Variants in EPC2 observed in about 807,000 individuals in gnomAD.
EPC2 encodes the protein enhancer of polycomb 2.
Under a neutral mutation model 92.1 loss-of-function variants are expected in EPC2, and 14 were observed. The observed-to-expected ratio is 0.15, with a 90% CI of 0.10 to 0.24. The LOEUF (loss-of-function observed/expected upper bound fraction) is 0.24, where lower values mean the gene tolerates loss of function less well. EPC2 is among the 10% of genes least tolerant of loss of function. The pLI is 1.00. For synonymous variants in EPC2, 340 were observed against 334.7 expected, an observed-to-expected ratio of 1.02 and a Z score of -0.17; for missense variants, 755 against 971.5, an observed-to-expected ratio of 0.78 and a Z score of 2.96.
intron 2 of EPC2, among the ~76,000 whole-genome samples, chr2:148,697,518 C>T (rs1681776502): frequency 1.3e-5 from 2 of 152,086 alleles, no homozygotes; most frequent in Non-Finnish European, 2.9e-5. Context: ...AATACAAGCA[C>T]ACACTTCATA....
chr2:148,654,709 A>G (rs1483060840), intron 1 of EPC2, among the ~76,000 whole-genome samples: 1 of 152,188 alleles, frequency 6.6e-6, no homozygotes, highest in Non-Finnish European at 1.5e-5. Flanking sequence ...AAACATTACA[A>G]GTTAATATGT....
In EPC2 at chr2:148,674,257, C is replaced by A. The variant is rs547057566; in HGVS notation, c.154-15957C>A. 2.4e-4 allele frequency among the ~76,000 whole-genome samples: 37 copies of A among 152,314 alleles called. 1 individual carries two copies. The South Asian group carries it at 7.5e-3, about 31-fold the overall frequency. ...TTTGTACTCTCTTGCTCCCTCTTGTCTCTGTGTGTGGTACTGCAGATTCTC... is the reference window on the plus strand; with the variant it reads ...TTTGTACTCTCTTGCTCCCTCTTGTATCTGTGTGTGGTACTGCAGATTCTC... On this transcript the variant is annotated intron_variant, in intron 1 of 13. Coordinates refer to ENST00000258484, the MANE Select transcript of EPC2 (RefSeq NM_015630.4).
At chr2:148,761,959 A>G in intron 5 of EPC2, 29 bp downstream of exon 5, 1 of 1,535,676 alleles carries the variant, frequency 6.5e-7, no homozygotes. Context: ...CAACAGTAAA[A>G]TGACAACTTT....
At chr2:148,737,887 G>A (rs1024325086) in intron 2 of EPC2, among the ~76,000 whole-genome samples, 16 of 152,224 alleles carry the variant, frequency 1.1e-4, no homozygotes, top group Non-Finnish European at 2.2e-4. Context: ...CACATTCAAA[G>A]CTGTCCTGGG....
In EPC2 at chr2:148,716,860, G is replaced by A. The variant is rs922888288; in HGVS notation, c.313+26487G>A. ...TCTGGTATAATTTAGCTGTGAATCC[G>A]TCTGGTCCTGGGCTTTTTTTGGTTG... On this transcript the variant is annotated intron_variant, in intron 2 of 13. Coordinates refer to ENST00000258484, the MANE Select transcript of EPC2 (RefSeq NM_015630.4). Among the ~76,000 whole-genome samples, 7 of 152,058 alleles carry A rather than the reference G, an allele frequency of 4.6e-5. No individual in the cohort carries two copies. The South Asian group carries it at 6.2e-4, about 14-fold the overall frequency.
chr2:148,737,492 A>G (rs1434418367), intron 2 of EPC2, among the ~76,000 whole-genome samples: 2 of 151,968 alleles, frequency 1.3e-5, no homozygotes, highest in Non-Finnish European at 2.9e-5. Context: ...GCTGTAGTGG[A>G]AGATTCCATG....
chr2:148,675,633 A>G (rs975220387), intron 1 of EPC2, among the ~76,000 whole-genome samples: 4 of 152,166 alleles, frequency 2.6e-5, no homozygotes, highest in African/African-American at 9.7e-5. Context: ...ATAAATCCCT[A>G]TCATCTCTGA....
intron 2 of EPC2, among the ~76,000 whole-genome samples, chr2:148,703,523 G>A (rs952570291): frequency 1.3e-5 from 2 of 151,942 alleles, no homozygotes; most frequent in Non-Finnish European, 2.9e-5. Context: ...GAGGGTTTTT[G>A]TTCTTTTGTT....
chr2:148,693,094 T>C (rs2105372838), intron 2 of EPC2, among the ~76,000 whole-genome samples: 1 of 152,352 alleles, frequency 6.6e-6, no homozygotes, highest in South Asian at 2.1e-4. Flanking sequence ...CTTAAGATTA[T>C]CTGTACTAAA....
rs368843866 is a variant in EPC2, at chr2:148,762,693, G to A, written c.839G>A (p.Gly280Asp). The change falls in exon 6 of 14, where the codon GGT becomes GAT. Residue 280 changes from glycine to aspartate, a missense_variant. Around this residue, in one of 4 missense-constraint regions of EPC2, gnomAD observed 509 missense variants for 607.7 expected, o/e 0.84. Transcript: ENST00000258484. ...EKRYHLGDYG[G>D]EILNEVKISR... The stretch of plus-strand genomic sequence containing the variant: ...AGATACCATTTGGGAGACTATGGTG[G>A]TGAAATCCTTAATGAAGTAAAAATC... 29 of 1,606,160 alleles carry A rather than the reference G, an allele frequency of 1.8e-5. No homozygotes were observed. The African/African-American group carries it at 2.4e-4, about 13-fold the overall frequency.
At chr2:148,775,770 C>CTTTTTT (rs1266672761) in intron 10 of EPC2, among the ~76,000 whole-genome samples, 2 of 56,508 alleles carry the variant, frequency 3.5e-5, no homozygotes, top group Non-Finnish European at 3.7e-5. Flanking sequence ...TTACCAATTT[C>CTTTTTT]TTTTCTTTTT....
At chr2:148,671,142 ATAG>A (rs1211812896) in intron 1 of EPC2, among the ~76,000 whole-genome samples, 3 of 152,180 alleles carry the variant, frequency 2.0e-5, no homozygotes, top group Non-Finnish European at 2.9e-5. Context: ...TTTTATGCTG[ATAG>A]TGGTATATTA....
rs536984282 is a variant in EPC2, at chr2:148,728,888, C to T, written c.314-14734C>T. ...TCTACTAAAAATACAAAAAATTAGCCGGGCATGGTGGTGGGCGCCTGTAGT... is the reference window on the plus strand; with the variant it reads ...TCTACTAAAAATACAAAAAATTAGCTGGGCATGGTGGTGGGCGCCTGTAGT... On this transcript the variant is annotated intron_variant, in intron 2 of 13. Transcript: ENST00000258484. 5.2e-4 allele frequency among the ~76,000 whole-genome samples: 79 copies of T among 151,058 alleles called. 3 individuals are homozygous for T. Among genetic ancestry groups the T allele is most frequent in the Admixed American group, 1.3e-4 (2 of 15,170 alleles).
intron 2 of EPC2, among the ~76,000 whole-genome samples, chr2:148,742,372 T>C (rs1321103134): frequency 6.6e-6 from 1 of 152,234 alleles, no homozygotes; most frequent in Non-Finnish European, 1.5e-5. Context: ...TTTAGATCTT[T>C]GCTGAGTGAA....
Position 148,765,079 on chromosome 2 carries a change from C to T in EPC2, c.1073C>T (p.Pro358Leu), listed in dbSNP as rs1683383939. Residue 358 changes from proline to leucine, a missense_variant, in exon 7 of 14, where the codon CCT becomes CTT. Around this residue, in one of 4 missense-constraint regions of EPC2, gnomAD observed 509 missense variants for 607.7 expected, o/e 0.84. Transcript: ENST00000258484. ...CAGCAACCCACTCCTGAGACATTGC[C>T]TGTGATCAATAAGAGTGACATTAAG... is the stretch of plus-strand genomic sequence containing the variant. ...TSQQPTPETL[P>L]VINKSDIKQY... 1 of 1,609,020 alleles carries T rather than the reference C, an allele frequency of 6.2e-7. No individual in the cohort carries two copies. Among genetic ancestry groups the T allele is most frequent in the Non-Finnish European group, 8.5e-7 (1 of 1,177,082 alleles).
intron 10 of EPC2, among the ~76,000 whole-genome samples, chr2:148,771,719 TC>T (rs1432255591): frequency 6.6e-6 from 1 of 152,166 alleles, no homozygotes; most frequent in Non-Finnish European, 1.5e-5. Context: ...GCGTAAACTT[TC>T]ATTAAATGTA....
intron 1 of EPC2, among the ~76,000 whole-genome samples, chr2:148,685,194 C>T (rs558622227): frequency 1.3e-4 from 20 of 151,782 alleles, no homozygotes; most frequent in Admixed American, 1.0e-3. Context: ...TAACTTTGTC[C>T]GTGGTGTCCT....
chr2:148,721,886 A>ATTTC lies in EPC2; in HGVS notation c.314-21732_314-21729dup, dbSNP rs1553446814. On this transcript the variant is annotated intron_variant, in intron 2 of 13. Transcript: ENST00000258484. The stretch of plus-strand genomic sequence containing the variant: ...TATCTTTGTTTCTTTTTCTGTTTTG[A>ATTTC]TTTCTTTTTTTTTTTTTTTTTCAGA... Among the ~76,000 whole-genome samples the ATTTC allele has an allele frequency of 3.1e-3, 34 of 11,144 alleles. 1 individual carries two copies. Among genetic ancestry groups the ATTTC allele is most frequent in the African/African-American group, 7.0e-3 (31 of 4,410 alleles). The allele number at this position is 11,144 out of a possible 152,430, so 7.3% of individuals were successfully genotyped here. A position where few individuals can be genotyped will look rare whatever the true frequency, so the allele number is the denominator to read the frequency against.
chr2:148,676,088 GGTA>G (rs1287220935), intron 1 of EPC2, among the ~76,000 whole-genome samples: 1 of 150,686 alleles, frequency 6.6e-6, no homozygotes, highest in African/African-American at 2.4e-5. Context: ...TCTGCATCTT[GGTA>G]CTCATTGTGT....
Sources: allele counts gnomAD v4.1 joint callset (sites outside exome capture counted in the v4.1 genomes callset), GRCh38; gene constraint gnomAD v4.1.1; regional missense constraint gnomAD v4.1.1; transcripts MANE v1.5; gene names NCBI Gene and HGNC (gene_info 2026-07-23, HGNC 2026-07-21).